Variants in ALCAM observed in about 807,000 individuals in gnomAD.
ALCAM encodes the protein CD166 antigen.
In ALCAM, 30 loss-of-function variants were observed where a neutral mutation model predicts 70.9. The ratio of observed to expected loss-of-function variants is 0.42; its 90% CI spans 0.32 to 0.57. ALCAM has a LOEUF of 0.57. Ranked by LOEUF, ALCAM falls within the 20% of genes least tolerant of loss-of-function variation. The pLI is 0.11. For synonymous variants in ALCAM, 249 were observed against 242.5 expected, an observed-to-expected ratio of 1.03 and a Z score of -0.25; for missense variants, 591 against 695.1, an observed-to-expected ratio of 0.85 and a Z score of 1.68.
chr3:105,558,477 T>A (rs1157536086), intron 14 of ALCAM, among the ~76,000 whole-genome samples: 1 of 152,100 alleles, frequency 6.6e-6, no homozygotes, highest in Non-Finnish European at 1.5e-5. Flanking sequence ...CCTACCACTG[T>A]CATCCCCTTC....
At chr3:105,383,481 A>G (rs1470837756) in intron 1 of ALCAM, among the ~76,000 whole-genome samples, 4 of 151,838 alleles carry the variant, frequency 2.6e-5, no homozygotes, top group East Asian at 1.9e-4. Flanking sequence ...ATAATTATCA[A>G]TGAAGCCTAT....
chr3:105,534,165 GC>G (rs1319446533), intron 5 of ALCAM, among the ~76,000 whole-genome samples: 1 of 152,166 alleles, frequency 6.6e-6, no homozygotes, highest in Non-Finnish European at 1.5e-5. Context: ...AGTAATGTGA[GC>G]CATGGGGAGT....
chr3:105,455,015 A>G (rs1222671248), intron 1 of ALCAM, among the ~76,000 whole-genome samples: 1 of 152,090 alleles, frequency 6.6e-6, no homozygotes, highest in Non-Finnish European at 1.5e-5. Flanking sequence ...TGAATGGCTT[A>G]TGTGAAGAAA....
At chr3:105,532,161 T>C in intron 4 of ALCAM, 95 bp downstream of exon 4, 1 of 1,078,592 alleles carries the variant, frequency 9.3e-7, no homozygotes, top group Non-Finnish European at 1.4e-6. Context: ...AAGGCTTTGC[T>C]CTTGTGGAGA....
At chr3:105,376,106 A>T (rs576919901) in intron 1 of ALCAM, among the ~76,000 whole-genome samples, 6 of 151,950 alleles carry the variant, frequency 3.9e-5, no homozygotes, top group African/African-American at 7.3e-5. Flanking sequence ...TGGAGAGGAG[A>T]GAGAAAGACA....
intron 1 of ALCAM, among the ~76,000 whole-genome samples, chr3:105,380,472 G>A (rs1935491259): frequency 6.6e-6 from 1 of 151,832 alleles, no homozygotes; most frequent in Non-Finnish European, 1.5e-5. Context: ...TCTCATGGAA[G>A]TATTGTACCA....
chr3:105,498,750 A>AT (rs1938836462), intron 1 of ALCAM, among the ~76,000 whole-genome samples: 1 of 152,202 alleles, frequency 6.6e-6, no homozygotes, highest in Non-Finnish European at 1.5e-5. Flanking sequence ...ATGGTGATCC[A>AT]TTAATAAAAC....
chr3:105,441,603 C>T (rs1384789547), intron 1 of ALCAM, among the ~76,000 whole-genome samples: 1 of 152,160 alleles, frequency 6.6e-6, no homozygotes, highest in East Asian at 1.9e-4. Context: ...GTGCATCCTT[C>T]CCAACTTACT....
At chr3:105,483,334 G>GT (rs1412084196) in intron 1 of ALCAM, among the ~76,000 whole-genome samples, 2 of 152,134 alleles carry the variant, frequency 1.3e-5, no homozygotes, top group African/African-American at 4.8e-5. Context: ...AGAGGAAAGG[G>GT]TGGGAGGACA....
rs147403135 is a variant in ALCAM, at chr3:105,380,985, G to T, written c.73+13504G>T. ...AGAGTTTGAGAATATGGTGTCTGTAGCCAAATTGTTTAGTTTTGAAACCTG... is the reference window on the plus strand; with the variant it reads ...AGAGTTTGAGAATATGGTGTCTGTATCCAAATTGTTTAGTTTTGAAACCTG... On this transcript the variant is annotated intron_variant, in intron 1 of 15. Coordinates refer to ENST00000306107, the MANE Select transcript of ALCAM (RefSeq NM_001627.4). 9.2e-5 allele frequency among the ~76,000 whole-genome samples: 14 copies of T among 151,960 alleles called. No individual in the cohort carries two copies. The East Asian group carries it at 2.7e-3, about 29-fold the overall frequency.
chr3:105,408,727 G>GACACA (rs1936311667), intron 1 of ALCAM, among the ~76,000 whole-genome samples: 1 of 152,086 alleles, frequency 6.6e-6, no homozygotes, highest in African/African-American at 2.4e-5. Flanking sequence ...AAAAGCTTTT[G>GACACA]CACAGCAAAA....
chr3:105,401,961 A>T (rs1359385157), intron 1 of ALCAM, among the ~76,000 whole-genome samples: 2 of 152,068 alleles, frequency 1.3e-5, no homozygotes, highest in Non-Finnish European at 2.9e-5. Flanking sequence ...TCTAATGTGT[A>T]GCCATGATTG....
At chr3:105,475,058 G>A (rs1268102640) in intron 1 of ALCAM, among the ~76,000 whole-genome samples, 2 of 151,904 alleles carry the variant, frequency 1.3e-5, no homozygotes, top group Admixed American at 6.6e-5. Flanking sequence ...CATACAGTTC[G>A]AATATATAGC....
chr3:105,470,132 T>TAC lies in ALCAM; in HGVS notation c.74-49905_74-49904dup, dbSNP rs35560211. Among the ~76,000 whole-genome samples the TAC allele has an allele frequency of 2.9e-3, 422 of 145,796 alleles. 4 individuals are homozygous for TAC. The highest frequency in any genetic ancestry group is 9.1e-3 in the African/African-American group (362 of 39,722). ...GTGTGTGTATGATATGTTATATACA[T>TAC]ACACACACACACACACACACACACA... On this transcript the variant is annotated intron_variant, in intron 1 of 15. Transcript: ENST00000306107.
chr3:105,561,353 A>G (rs1940627071), intron 14 of ALCAM, among the ~76,000 whole-genome samples: 1 of 152,172 alleles, frequency 6.6e-6, no homozygotes, highest in East Asian at 1.9e-4. Flanking sequence ...CTTCTACTCT[A>G]TATGCCATAT....
intron 1 of ALCAM, among the ~76,000 whole-genome samples, chr3:105,445,618 G>A (rs1217586438): frequency 6.6e-6 from 1 of 152,112 alleles, no homozygotes; most frequent in Non-Finnish European, 1.5e-5. Context: ...GCATGGTACT[G>A]GCATTAAAAC....
intron 3 of ALCAM, among the ~76,000 whole-genome samples, chr3:105,526,613 C>G (rs749843462): frequency 3.9e-5 from 6 of 152,142 alleles, no homozygotes; most frequent in Non-Finnish European, 8.8e-5. Flanking sequence ...GTGTTTTATG[C>G]TAGAAATCGT....
At chr3:105,413,490 A>G (rs1027377109) in intron 1 of ALCAM, among the ~76,000 whole-genome samples, 5 of 152,098 alleles carry the variant, frequency 3.3e-5, no homozygotes, top group Non-Finnish European at 4.4e-5. Context: ...TGTAGGCTAG[A>G]ATATGCGCAG....
rs527337444 is a variant in ALCAM, at chr3:105,512,826, G to A, written c.74-7241G>A. On this transcript the variant is annotated intron_variant, in intron 1 of 15. Transcript: ENST00000306107. ...ACTCTACTTATATGAGCACCTTAAG[G>A]ACTCAGCCTCAAATCCTAATTAGAA... 2.0e-5 allele frequency among the ~76,000 whole-genome samples: 3 copies of A among 151,922 alleles called. No homozygotes were observed. In the South Asian group the frequency reaches 6.2e-4, roughly 31 times the overall value.
Sources: allele counts gnomAD v4.1 joint callset (sites outside exome capture counted in the v4.1 genomes callset), GRCh38; gene constraint gnomAD v4.1.1; transcripts MANE v1.5; gene names NCBI Gene and HGNC (gene_info 2026-07-23, HGNC 2026-07-21).